DNAL1: variants seen among roughly 807,000 people sequenced by gnomAD.
DNAL1 encodes the protein dynein axonemal light chain 1.
A neutral mutation model predicts 29.4 loss-of-function variants in DNAL1; 17 were observed. The observed-to-expected ratio is 0.58, with a 90% confidence interval of 0.40 to 0.87. DNAL1 has a LOEUF of 0.87. Ranked by LOEUF, DNAL1 falls within the 40% of genes least tolerant of loss-of-function variation. The probability of loss-of-function intolerance (pLI) is 0.00; values close to 1 mark genes in which losing one functional copy is unlikely to be tolerated. For missense variants in DNAL1, 188 were observed against 214.1 expected (o/e 0.88, Z 0.76); for synonymous variants, 78 against 76.3 (o/e 1.02, Z -0.12).
At chr14:73,665,772 CAG>C in intron 4 of DNAL1, among the ~76,000 whole-genome samples, 1 of 146,750 alleles carries the variant, frequency 6.8e-6, no homozygotes, top group African/African-American at 2.5e-5. Flanking sequence ...GCCTGGGTGA[CAG>C]AGTGAGACTC....
chr14:73,680,784 T>G (rs1891856918), intron 5 of DNAL1, among the ~76,000 whole-genome samples: 1 of 152,148 alleles, frequency 6.6e-6, no homozygotes, highest in Non-Finnish European at 1.5e-5. Flanking sequence ...TACACAAACC[T>G]AGATGGTATA....
At position 73,691,316 on chromosome 14, in the gene DNAL1, G is replaced by A. The variant is rs560040391; in HGVS notation, c.532+1801G>A. On this transcript the variant is annotated intron_variant, in intron 7 of 7. Transcript: ENST00000553645. ...TGTAATCCTAGCACTTTGGGAGGCC[G>A]AGGTGGGAGGATCACTTGAGGTCAG... 5.3e-5 allele frequency among the ~76,000 whole-genome samples: 8 copies of A among 152,074 alleles called. No individual in the cohort carries two copies. The East Asian group carries it at 5.8e-4, about 11-fold the overall frequency.
Position 73,689,409 on chromosome 14 carries a change from C to T in DNAL1, c.426C>T (p.Leu142=), listed in dbSNP as rs909369563. The change falls in exon 7 of 8, where the codon CTC becomes CTT. Residue 142 remains leucine, a synonymous_variant. Coordinates refer to ENST00000553645, the MANE Select transcript of DNAL1 (RefSeq NM_031427.4). ...TGAAGCTGGCAGAACTGCCATGCCTCGAAGACCTGGTGTTTGTAGGCAATC... is the reference window on the plus strand; with the variant it reads ...TGAAGCTGGCAGAACTGCCATGCCTTGAAGACCTGGTGTTTGTAGGCAATC... ...EFVKLAELPC[L]EDLVFVGNPL... 11 of 1,553,596 alleles carry T rather than the reference C, an allele frequency of 7.1e-6. No homozygotes were observed. The highest frequency in any genetic ancestry group is 3.3e-4 in the Middle Eastern group (2 of 6,020).
chr14:73,677,206 G>A (rs1318947903), intron 5 of DNAL1, among the ~76,000 whole-genome samples: 5 of 151,982 alleles, frequency 3.3e-5, no homozygotes, highest in Admixed American at 1.3e-4. Flanking sequence ...TCCTGACCTC[G>A]TGATCTGCCC....
intron 1 of DNAL1, among the ~76,000 whole-genome samples, chr14:73,647,990 C>A (rs1225236997): frequency 6.6e-6 from 1 of 151,880 alleles, no homozygotes. Flanking sequence ...CTTGTTTGTT[C>A]GTTTTGATAC....
intron 1 of DNAL1, among the ~76,000 whole-genome samples, chr14:73,650,711 A>G (rs1192495506): frequency 6.6e-6 from 1 of 152,086 alleles, no homozygotes; most frequent in Non-Finnish European, 1.5e-5. Flanking sequence ...CCTGACCTCA[A>G]GAAATCCTCC....
At chr14:73,683,158 G>T (rs1030829802) in intron 5 of DNAL1, among the ~76,000 whole-genome samples, 2 of 152,156 alleles carry the variant, frequency 1.3e-5, no homozygotes. Context: ...TTACAGGCGT[G>T]AGCCACCGCG....
At chr14:73,665,807 A>G (rs1364508406) in intron 4 of DNAL1, among the ~76,000 whole-genome samples, 2 of 151,822 alleles carry the variant, frequency 1.3e-5, no homozygotes, top group Non-Finnish European at 2.9e-5. Flanking sequence ...AAAAAAAATG[A>G]CTATGATAAT....
intron 1 of DNAL1, among the ~76,000 whole-genome samples, chr14:73,646,598 C>G (rs1178521348): frequency 1.3e-5 from 2 of 152,050 alleles, no homozygotes; most frequent in African/African-American, 4.8e-5. Context: ...TCCGCCTCTA[C>G]TAAAAATACA....
At chr14:73,693,046 G>A (rs1207607699) in intron 7 of DNAL1, among the ~76,000 whole-genome samples, 2 of 152,074 alleles carry the variant, frequency 1.3e-5, no homozygotes, top group African/African-American at 2.4e-5. Context: ...ATCTTGGCAA[G>A]GCTGGTCTTC....
rs61249050 is a variant in DNAL1 at position 73,662,807 on chromosome 14, CTTTTTT to C, written c.208+779_208+784del. On this transcript the variant is annotated intron_variant, in intron 4 of 7. Coordinates refer to ENST00000553645, the MANE Select transcript of DNAL1 (RefSeq NM_031427.4). ...GATCCTTAATCATATCTGCAAAGTA[CTTTTTT>C]TTTTTTTTTTTTTGCCATATAAGGT... is the stretch of plus-strand genomic sequence containing the variant. 4.7e-4 allele frequency among the ~76,000 whole-genome samples: 63 copies of C among 135,272 alleles called. 1 individual carries two copies. The highest frequency in any genetic ancestry group is 1.1e-3 in the African/African-American group (42 of 36,534). 88.7% of individuals were successfully genotyped at this position (135,272 alleles called of 152,430 possible). A position where few individuals can be genotyped will look rare whatever the true frequency, so the allele number is the denominator to read the frequency against.
Position 73,658,731 on chromosome 14 carries a change from G to A in DNAL1, c.43-116G>A, listed in dbSNP as rs17129144. The A allele has an allele frequency of 0.011, 7,451 of 666,542 alleles. 450 individuals are homozygous for A. In the African/African-American group the frequency reaches 0.12, roughly 11 times the overall value. 41.3% of individuals were successfully genotyped at this position (666,542 alleles called of 1,614,324 possible). A position where few individuals can be genotyped will look rare whatever the true frequency, so the allele number is the denominator to read the frequency against. On this transcript the variant is annotated intron_variant, in intron 2 of 7. Transcript: ENST00000553645. ...ATGGTAAAGAATTATTAAACAGTTT[G>A]CTAAATTCTAGCAATTGTCTTGAAA...
chr14:73,691,285 C>A (rs1750382833), intron 7 of DNAL1, among the ~76,000 whole-genome samples: 1 of 152,164 alleles, frequency 6.6e-6, no homozygotes, highest in African/African-American at 2.4e-5. Flanking sequence ...TGTGGTGGCT[C>A]ACACCTGTAA....
At position 73,697,100 on chromosome 14, in the gene DNAL1, T is replaced by C. The variant is rs1233378256; in HGVS notation, c.*1158T>C. On this transcript the variant is annotated 3_prime_UTR_variant, in exon 8 of 8. Transcript: ENST00000553645. The stretch of plus-strand genomic sequence containing the variant: ...TAGATGCAGAGGTTAGAATTTATCA[T>C]GTAAACAAAAAATCCTTCAGGAAAA... The C allele has an allele frequency of 1.3e-5, 2 of 152,172 alleles. No homozygotes were observed. Among genetic ancestry groups the C allele is most frequent in the Non-Finnish European group, 1.5e-5 (1 of 68,024 alleles). The allele number at this position is 152,172 out of a possible 1,614,324, so 9.4% of individuals were successfully genotyped here.
rs114871060 is a variant in DNAL1, at chr14:73,665,022, A to G, written c.208+2980A>G. 8.3e-3 allele frequency among the ~76,000 whole-genome samples: 1,266 copies of G among 152,272 alleles called. 25 individuals are homozygous for G. The highest frequency in any genetic ancestry group is 0.029 in the African/African-American group (1,198 of 41,534). ...ATTACCTATCATATAATTATTGTGAAGATTGAGTTAGTATATATATAGAGT... is the reference window on the plus strand; with the variant it reads ...ATTACCTATCATATAATTATTGTGAGGATTGAGTTAGTATATATATAGAGT... On this transcript the variant is annotated intron_variant, in intron 4 of 7. Coordinates refer to ENST00000553645, the MANE Select transcript of DNAL1 (RefSeq NM_031427.4).
At chr14:73,682,797 C>G (rs1891920036) in intron 5 of DNAL1, among the ~76,000 whole-genome samples, 1 of 151,828 alleles carries the variant, frequency 6.6e-6, no homozygotes, top group Admixed American at 6.6e-5. Flanking sequence ...ATGGAGCCAC[C>G]ATTTCGTATG....
rs115761632 is a variant in DNAL1, at chr14:73,649,088, C to T, written c.3+4046C>T. Among the ~76,000 whole-genome samples, 969 of 151,604 alleles carry T rather than the reference C, an allele frequency of 6.4e-3. 4 individuals are homozygous for T. Among genetic ancestry groups the T allele is most frequent in the African/African-American group, 0.014 (579 of 41,364 alleles). On this transcript the variant is annotated intron_variant, in intron 1 of 7. Coordinates refer to ENST00000553645, the MANE Select transcript of DNAL1 (RefSeq NM_031427.4). Reference sequence around the variant, plus strand: ...CCACCTGGGTTCAAGCAATTCTCCTCGTCAGCCTCCCGAATAGCTGGAATT... The same window carrying T: ...CCACCTGGGTTCAAGCAATTCTCCTTGTCAGCCTCCCGAATAGCTGGAATT...
chr14:73,676,264 A>G (rs945217555), intron 5 of DNAL1, among the ~76,000 whole-genome samples: 6 of 151,858 alleles, frequency 4.0e-5, no homozygotes, highest in Admixed American at 1.3e-4. Context: ...TTTTAATTCT[A>G]TAAGTACCAT....
intron 1 of DNAL1, chr14:73,653,293 A>G (rs762379112): frequency 6.6e-6 from 1 of 152,178 alleles, no homozygotes; most frequent in Non-Finnish European, 1.5e-5. Context: ...GGGGGAACTC[A>G]GAGTATGCGT....
Sources: allele counts gnomAD v4.1 joint callset (sites outside exome capture counted in the v4.1 genomes callset), GRCh38; gene constraint gnomAD v4.1.1; transcripts MANE v1.5; gene names NCBI Gene and HGNC (gene_info 2026-07-23, HGNC 2026-07-21).